The following SNX18 variants were observed in gnomAD, a reference collection of about 807,000 sequenced individuals.
SNX18 encodes sorting nexin 18, also known as sorting nexin-18.
A neutral mutation model predicts 48.7 loss-of-function variants in SNX18; 35 were observed. The observed-to-expected ratio is 0.72, with a 90% CI of 0.55 to 0.95. The LOEUF is 0.95. Ranked by LOEUF, SNX18 falls within the 40% of genes least tolerant of loss-of-function variation. The probability of loss-of-function intolerance (pLI) is 0.00; values close to 1 mark genes in which losing one functional copy is unlikely to be tolerated. For missense variants in SNX18, 824 were observed against 871.0 expected, an observed-to-expected ratio of 0.95 and a Z score of 0.68; for synonymous variants, 492 against 384.7, an observed-to-expected ratio of 1.28 and a Z score of -3.26.
At chr5:54,624,522 C>A in the SNX18 span, among the ~76,000 whole-genome samples, 1 of 152,178 alleles carries the variant, frequency 6.6e-6, no homozygotes, top group Non-Finnish European at 1.5e-5. Flanking sequence ...TATCTTGGAG[C>A]ACCTGAAGCA....
chr5:54,641,885 G>A, the SNX18 span, among the ~76,000 whole-genome samples: 1 of 152,012 alleles, frequency 6.6e-6, no homozygotes, highest in Non-Finnish European at 1.5e-5. Flanking sequence ...TCCTTGCTGA[G>A]TCAAAAATAT....
chr5:54,572,094 C>T, the SNX18 span, among the ~76,000 whole-genome samples: 1 of 152,182 alleles, frequency 6.6e-6, no homozygotes, highest in Non-Finnish European at 1.5e-5. Context: ...TTGATTTACT[C>T]ATGGTGCCAG....
chr5:54,548,400 C>G (rs79223563), downstream of SNX18, among the ~76,000 whole-genome samples: 1,939 of 152,288 alleles, frequency 0.013, 31 homozygotes, highest in African/African-American at 0.042. Context: ...TAAATTTTCT[C>G]TCACTCCAGG....
At chr5:54,552,149 C>T in the SNX18 span, among the ~76,000 whole-genome samples, 1 of 152,214 alleles carries the variant, frequency 6.6e-6, no homozygotes, top group Admixed American at 6.5e-5. Context: ...TGTGCCTCCG[C>T]GACGTGACCC....
rs1162586957 is a variant in SNX18 at position 54,544,513 on chromosome 5, T to C, written c.*1081T>C. ...GTCTGTAAATTTCAGTGTTAATATG[T>C]CATGAAAAGTGGTGTGGATTGATCT... is the stretch of plus-strand genomic sequence containing the variant. On this transcript the variant is annotated 3_prime_UTR_variant, in exon 2 of 2. Transcript: ENST00000381410. The C allele has an allele frequency of 6.6e-6, 1 of 151,826 alleles. No homozygotes were observed. 9.4% of individuals were successfully genotyped at this position (151,826 alleles called of 1,614,324 possible).
the SNX18 span, among the ~76,000 whole-genome samples, chr5:54,567,641 C>T: frequency 6.6e-6 from 1 of 152,180 alleles, no homozygotes; most frequent in Non-Finnish European, 1.5e-5. Context: ...CTTATACAAT[C>T]CAGAACCACC....
At chr5:54,572,778 T>A in the SNX18 span, among the ~76,000 whole-genome samples, 191 of 9,798 alleles carry the variant, frequency 0.019, no homozygotes, top group Middle Eastern at 0.083. Context: ...ATATATATTT[T>A]TTTTTTTTTT....
the SNX18 span, chr5:54,646,002 G>A: frequency 1.3e-5 from 2 of 152,132 alleles, no homozygotes; most frequent in Admixed American, 6.5e-5. Flanking sequence ...TTGGATACTT[G>A]TGGTTTGGCC....
At position 54,517,858 on chromosome 5, in the gene SNX18, C is replaced by G; in HGVS notation, c.-95C>G. 7.7e-6 allele frequency: 10 copies of G among 1,298,578 alleles called. No individual in the cohort carries two copies. The highest frequency in any genetic ancestry group is 9.8e-6 in the Non-Finnish European group (10 of 1,015,498). 80.4% of individuals were successfully genotyped at this position (1,298,578 alleles called of 1,614,324 possible). On this transcript the variant is annotated 5_prime_UTR_variant, in exon 1 of 2. Coordinates refer to ENST00000381410, the MANE Select transcript of SNX18 (RefSeq NM_001102575.2). The stretch of plus-strand genomic sequence containing the variant: ...GGTTTGCCGCCTTCGGGGCTCCAGT[C>G]CGCGCGCCAGGGCTCGAGCAGTACC...
the SNX18 span, among the ~76,000 whole-genome samples, chr5:54,574,624 AACCAC>A: frequency 6.6e-6 from 1 of 152,230 alleles, no homozygotes; most frequent in Non-Finnish European, 1.5e-5. Flanking sequence ...GCTGACAGCA[AACCAC>A]AAGTGACTTG....
At position 54,518,872 on chromosome 5, in the gene SNX18, T is replaced by G; in HGVS notation, c.920T>G (p.Val307Gly). ...SYKLVPTHTQ[V>G]PVHRRYKHFD... The stretch of plus-strand genomic sequence containing the variant: ...AAGCTGGTGCCCACGCACACGCAGG[T>G]GCCGGTGCATCGGCGCTACAAGCAC... Residue 307 changes from valine to glycine, a missense_variant, in exon 1 of 2, where the codon GTG becomes GGG. Val to Gly is a moderately radical substitution (Grantham distance 109). Transcript: ENST00000381410. 6.2e-7 allele frequency: 1 copy of G among 1,613,690 alleles called. No homozygotes were observed.
chr5:54,561,719 T>A, the SNX18 span, among the ~76,000 whole-genome samples: 109 of 152,334 alleles, frequency 7.2e-4, no homozygotes, highest in African/African-American at 2.4e-3. Context: ...CATTTCTAGA[T>A]GCTGACATAT....
At chr5:54,519,839 G>T in intron 1 of SNX18, 6 of 1,591,574 alleles carry the variant, frequency 3.8e-6, no homozygotes, top group Non-Finnish European at 5.1e-6. Flanking sequence ...TATCATTTTA[G>T]AGTTTGAATA....
the SNX18 span, among the ~76,000 whole-genome samples, chr5:54,602,612 C>G: frequency 2.0e-5 from 3 of 152,002 alleles, no homozygotes; most frequent in Non-Finnish European, 2.9e-5. Context: ...AGGCAAGTGT[C>G]AGAGCGGGAG....
the SNX18 span, among the ~76,000 whole-genome samples, chr5:54,643,095 AG>A: frequency 6.6e-6 from 1 of 152,044 alleles, no homozygotes; most frequent in East Asian, 1.9e-4. Flanking sequence ...CTATAAAGGG[AG>A]GGGGGATAAC....
chr5:54,549,861 TG>T (rs1762626088), downstream of SNX18, among the ~76,000 whole-genome samples: 1 of 152,232 alleles, frequency 6.6e-6, no homozygotes, highest in African/African-American at 2.4e-5. Flanking sequence ...GAGTGGCTTT[TG>T]GGGCAGCCAT....
At chr5:54,561,989 A>G in the SNX18 span, among the ~76,000 whole-genome samples, 2 of 152,214 alleles carry the variant, frequency 1.3e-5, no homozygotes, top group African/African-American at 2.4e-5. Context: ...TTTTTCTATA[A>G]TGAGGTTTTT....
At chr5:54,522,829 TTAAAC>T (rs1375901732) in intron 1 of SNX18, among the ~76,000 whole-genome samples, 2 of 152,224 alleles carry the variant, frequency 1.3e-5, no homozygotes, top group Admixed American at 6.5e-5. Flanking sequence ...AACCCATTCT[TTAAAC>T]TAATAATGGT....
chr5:54,599,489 T>C, the SNX18 span, among the ~76,000 whole-genome samples: 1 of 152,064 alleles, frequency 6.6e-6, no homozygotes, highest in Non-Finnish European at 1.5e-5. Context: ...TATTTTAAAA[T>C]TTATATGGAA....
Sources: allele counts gnomAD v4.1 joint callset (sites outside exome capture counted in the v4.1 genomes callset), GRCh38; gene constraint gnomAD v4.1.1; transcripts MANE v1.5; gene names NCBI Gene and HGNC (gene_info 2026-07-23, HGNC 2026-07-21).